The following GLCCI1 variants were observed in gnomAD, a reference collection of about 807,000 sequenced individuals.
The protein encoded by GLCCI1 is glucocorticoid-induced transcript 1 protein.
In GLCCI1, 24 loss-of-function variants were observed where a neutral mutation model predicts 52.2. The ratio of observed to expected loss-of-function variants is 0.46; its 90% CI spans 0.33 to 0.65. The LOEUF is 0.65. Among genes scored for constraint, GLCCI1 ranks in the 30% least tolerant of loss-of-function variants. The pLI, the probability that GLCCI1 is intolerant of heterozygous loss-of-function variation, is 0.02. For missense variants in GLCCI1, 704 were observed against 701.5 expected (o/e 1.00, Z -0.04); for synonymous variants, 310 against 276.5 (o/e 1.12, Z -1.20).
intron 5 of GLCCI1, among the ~76,000 whole-genome samples, chr7:8,064,050 G>T (rs1004392610): frequency 6.6e-6 from 1 of 152,110 alleles, no homozygotes; most frequent in Non-Finnish European, 1.5e-5. Flanking sequence ...CATTATGTAG[G>T]TTGTCTGTGT....
At chr7:8,085,376 C>T (rs1359073211) in intron 7 of GLCCI1, among the ~76,000 whole-genome samples, 1 of 152,246 alleles carries the variant, frequency 6.6e-6, no homozygotes, top group Non-Finnish European at 1.5e-5. Flanking sequence ...GTGTACTCCA[C>T]AAGCCAGAAG....
chr7:7,998,673 G>A (rs376641392), intron 1 of GLCCI1, among the ~76,000 whole-genome samples: 145 of 152,206 alleles, frequency 9.5e-4, no homozygotes, highest in African/African-American at 3.2e-3. Context: ...TTTGTATTTA[G>A]GTTTTAAGGT....
Position 8,011,847 on chromosome 7 carries a change from G to A in GLCCI1, c.609+7788G>A, listed in dbSNP as rs28769096. On this transcript the variant is annotated intron_variant, in intron 2 of 7. Coordinates refer to ENST00000223145, the MANE Select transcript of GLCCI1 (RefSeq NM_138426.4). ...TGTTTGTTTTTTGAGATGGAGTCTCGCTGTGTCGCCCAGGCAGGAATGCAG... is the reference window on the plus strand; with the variant it reads ...TGTTTGTTTTTTGAGATGGAGTCTCACTGTGTCGCCCAGGCAGGAATGCAG... Among the ~76,000 whole-genome samples, 42 of 151,600 alleles carry A rather than the reference G, an allele frequency of 2.8e-4. 1 individual carries two copies. The highest frequency in any genetic ancestry group is 6.3e-4 in the African/African-American group (26 of 41,310).
chr7:7,987,765 AT>A (rs1780764277), intron 1 of GLCCI1, among the ~76,000 whole-genome samples: 3 of 151,340 alleles, frequency 2.0e-5, no homozygotes, highest in Non-Finnish European at 1.5e-5. Flanking sequence ...TTTATTTTTT[AT>A]TTTTTATTTT....
At chr7:8,065,462 G>A (rs146868232) in intron 5 of GLCCI1, among the ~76,000 whole-genome samples, 43 of 151,660 alleles carry the variant, frequency 2.8e-4, no homozygotes, top group African/African-American at 9.6e-4. Context: ...GTGGTGAGAG[G>A]GCATTCTTGT....
intron 4 of GLCCI1, chr7:8,055,785 C>G: frequency 3.4e-6 from 1 of 298,382 alleles, no homozygotes; most frequent in Non-Finnish European, 6.5e-6. Flanking sequence ...GTCAGGAGAT[C>G]AAGACCATCC....
intron 6 of GLCCI1, among the ~76,000 whole-genome samples, chr7:8,071,459 T>C (rs993416443): frequency 6.6e-6 from 1 of 152,164 alleles, no homozygotes; most frequent in Non-Finnish European, 1.5e-5. Context: ...AAAGTTAGCT[T>C]TACCATGGTA....
At chr7:8,013,331 G>C (rs1231123198) in intron 2 of GLCCI1, among the ~76,000 whole-genome samples, 2 of 152,232 alleles carry the variant, frequency 1.3e-5, no homozygotes, top group East Asian at 3.9e-4. Context: ...ACTAACAGTT[G>C]ATAAAGAGTT....
intron 4 of GLCCI1, 110 bp downstream of exon 4, chr7:8,055,659 T>A (rs1782372692): frequency 1.4e-6 from 1 of 727,868 alleles, no homozygotes; most frequent in Non-Finnish European, 2.3e-6. Flanking sequence ...TCTACTAAAT[T>A]ACTAGTTTGT....
At chr7:8,014,845 C>G (rs143090277) in intron 2 of GLCCI1, among the ~76,000 whole-genome samples, 13 of 152,312 alleles carry the variant, frequency 8.5e-5, no homozygotes, top group African/African-American at 2.9e-4. Context: ...ATTACATATA[C>G]TGATACTTCC....
intron 1 of GLCCI1, among the ~76,000 whole-genome samples, chr7:7,996,889 A>G (rs1473945006): frequency 3.9e-5 from 6 of 152,324 alleles, no homozygotes. Flanking sequence ...CCACACTGAG[A>G]GAGCTTCAGT....
At chr7:8,041,802 G>C (rs1471401334) in intron 3 of GLCCI1, among the ~76,000 whole-genome samples, 1 of 151,904 alleles carries the variant, frequency 6.6e-6, no homozygotes, top group Non-Finnish European at 1.5e-5. Context: ...ATGTTGCCCA[G>C]ACTGGTCTCG....
intron 1 of GLCCI1, among the ~76,000 whole-genome samples, chr7:7,971,406 A>T (rs1181113192): frequency 6.6e-6 from 1 of 152,242 alleles, no homozygotes; most frequent in Non-Finnish European, 1.5e-5. Context: ...AAGTAACAGA[A>T]CGAACAGAAA....
intron 6 of GLCCI1, among the ~76,000 whole-genome samples, chr7:8,083,775 G>C (rs1363080725): frequency 1.3e-5 from 2 of 152,116 alleles, no homozygotes; most frequent in African/African-American, 4.8e-5. Context: ...GCATAAATCT[G>C]CATTCACAAG....
At chr7:7,990,872 T>C (rs1305334992) in intron 1 of GLCCI1, among the ~76,000 whole-genome samples, 2 of 152,116 alleles carry the variant, frequency 1.3e-5, no homozygotes, top group African/African-American at 4.8e-5. Context: ...CTGGGTTTAC[T>C]CTAGAAAAGT....
At chr7:7,987,192 C>T (rs2115412965) in intron 1 of GLCCI1, among the ~76,000 whole-genome samples, 1 of 152,290 alleles carries the variant, frequency 6.6e-6, no homozygotes, top group Non-Finnish European at 1.5e-5. Flanking sequence ...ACCTTGTGTT[C>T]CTGCCAAACT....
At chr7:8,066,361 G>GT (rs1297063464) in intron 5 of GLCCI1, among the ~76,000 whole-genome samples, 3 of 151,812 alleles carry the variant, frequency 2.0e-5, no homozygotes, top group Middle Eastern at 3.4e-3. Flanking sequence ...ATCTTTTATG[G>GT]TTTTTTGCAT....
chr7:8,064,968 G>A (rs115915302), intron 5 of GLCCI1, among the ~76,000 whole-genome samples: 3,245 of 152,044 alleles, frequency 0.021, 119 homozygotes, highest in African/African-American at 0.074. Context: ...TGCCCACCTC[G>A]GCCCCCCTAA....
intron 6 of GLCCI1, among the ~76,000 whole-genome samples, chr7:8,074,040 A>T (rs1263694565): frequency 1.3e-5 from 2 of 152,222 alleles, no homozygotes; most frequent in Non-Finnish European, 2.9e-5. Flanking sequence ...GTGTGTTAGA[A>T]TTGGGAGTTG....
Sources: allele counts gnomAD v4.1 joint callset (sites outside exome capture counted in the v4.1 genomes callset), GRCh38; gene constraint gnomAD v4.1.1; transcripts MANE v1.5; gene names NCBI Gene and HGNC (gene_info 2026-07-23, HGNC 2026-07-21).